Variants in ORC1 observed in about 807,000 individuals in gnomAD.
ORC1 encodes the protein origin recognition complex, subunit 1 homolog.
Under a neutral mutation model 98.9 loss-of-function variants are expected in ORC1, and 61 were observed. That is an observed-to-expected ratio of 0.62 (90% CI 0.50 to 0.76). The LOEUF (loss-of-function observed/expected upper bound fraction) is 0.76, where lower values mean the gene tolerates loss of function less well. ORC1 is among the 30% of genes least tolerant of loss of function. ORC1 has a pLI of 0.00. For missense variants in ORC1, 979 were observed against 1,072.2 expected (o/e 0.91, Z 1.21); for synonymous variants, 385 against 406.9 (o/e 0.95, Z 0.65).
chr1:52,403,188 TC>T (rs1647814346), intron 1 of ORC1, among the ~76,000 whole-genome samples: 1 of 152,200 alleles, frequency 6.6e-6, no homozygotes, highest in Non-Finnish European at 1.5e-5. Flanking sequence ...AATAGAATCT[TC>T]CGTTTATTCA....
At chr1:52,374,740 T>C in intron 16 of ORC1, 70 bp downstream of exon 16, 4 of 1,045,728 alleles carry the variant, frequency 3.8e-6, no homozygotes, top group African/African-American at 1.6e-5. Context: ...CACACATTCA[T>C]GGAAATTTCC....
chr1:52,399,838 C>CACACA (rs1553148714), intron 3 of ORC1, among the ~76,000 whole-genome samples: 7 of 150,902 alleles, frequency 4.6e-5, no homozygotes, highest in Non-Finnish European at 1.0e-4. Flanking sequence ...CACACACACA[C>CACACA]AAGAATTACA....
chr1:52,408,890 C>T, upstream of ORC1: 1 of 513,004 alleles, frequency 1.9e-6, no homozygotes, highest in Non-Finnish European at 3.4e-6. Context: ...ACCCAGCCTG[C>T]CTCTGTCTGT....
intron 8 of ORC1, among the ~76,000 whole-genome samples, chr1:52,386,676 T>A (rs1647147149): frequency 6.6e-6 from 1 of 152,194 alleles, no homozygotes; most frequent in African/African-American, 2.4e-5. Flanking sequence ...TTAAAAGGCT[T>A]TACAGGCTGG....
chr1:52,388,507 A>C lies in ORC1; in HGVS notation c.1318T>G (p.Ser440Ala). Residue 440 changes from serine to alanine, a missense_variant, in exon 8 of 17, where the codon TCC becomes GCC. Transcript: ENST00000371568. Reference protein sequence around the residue: ...PLPRRAPRTVSRNLRSSLKSS... With the variant: ...PLPRRAPRTVARNLRSSLKSS... ...TTCAAGGAAGATCGCAGGTTCCTGG[A>C]CACAGTTCTGGGTGCTCTCCTTGGA... 4 of 1,614,196 alleles carry C rather than the reference A, an allele frequency of 2.5e-6. No individual in the cohort carries two copies. Among genetic ancestry groups the C allele is most frequent in the Non-Finnish European group, 3.4e-6 (4 of 1,180,020 alleles).
intron 14 of ORC1, among the ~76,000 whole-genome samples, chr1:52,381,206 A>G (rs1375692095): frequency 1.3e-5 from 2 of 152,162 alleles, no homozygotes; most frequent in Admixed American, 6.5e-5. Flanking sequence ...CTTGCTGGGC[A>G]TGTAATAGAC....
In ORC1 at chr1:52,384,534, A is replaced by C. The variant is rs746691660; in HGVS notation, c.1755+16T>G. 2 of 1,612,992 alleles carry C rather than the reference A, an allele frequency of 1.2e-6. No homozygotes were observed. Among genetic ancestry groups the C allele is most frequent in the African/African-American group, 1.3e-5 (1 of 75,044 alleles). On this transcript the variant is annotated intron_variant, in intron 11 of 16. Coordinates refer to ENST00000371568, the MANE Select transcript of ORC1 (RefSeq NM_004153.4). ...AGAAACAGCATTTTCCAAAAAGCCTAAACAGCTCTGCTTACCTGCAAGATT... is the reference window on the plus strand; with the variant it reads ...AGAAACAGCATTTTCCAAAAAGCCTCAACAGCTCTGCTTACCTGCAAGATT...
intron 5 of ORC1, 66 bp from the exon 6 acceptor site, chr1:52,393,869 C>T: frequency 1.3e-6 from 2 of 1,492,112 alleles, no homozygotes; most frequent in East Asian, 2.3e-5. Context: ...AATCTCATCA[C>T]AGCCAAATTC....
rs1646976513 is a variant in ORC1 at position 52,375,044 on chromosome 1, C to T, written c.2304-147G>A. The T allele has an allele frequency of 6.1e-6, 4 of 658,776 alleles. No individual in the cohort carries two copies. In the Admixed American group the frequency reaches 7.6e-5, roughly 12 times the overall value. The allele number at this position is 658,776 out of a possible 1,614,324, so 40.8% of individuals were successfully genotyped here. A position where few individuals can be genotyped will look rare whatever the true frequency, so the allele number is the denominator to read the frequency against. On this transcript the variant is annotated intron_variant, in intron 15 of 16. Coordinates refer to ENST00000371568, the MANE Select transcript of ORC1 (RefSeq NM_004153.4). ...TATTATGTGGCAAGGATCTCCCTGACCCCCAAACTCTCAAACTGATACAGA... is the reference window on the plus strand; with the variant it reads ...TATTATGTGGCAAGGATCTCCCTGATCCCCAAACTCTCAAACTGATACAGA...
intron 14 of ORC1, among the ~76,000 whole-genome samples, chr1:52,378,472 C>A (rs1344141431): frequency 6.6e-6 from 1 of 150,956 alleles, no homozygotes; most frequent in African/African-American, 2.4e-5. Context: ...CCAGCCTGGA[C>A]AACATGGTAA....
intron 3 of ORC1, 27 bp downstream of exon 3, chr1:52,401,335 G>C: frequency 6.2e-7 from 1 of 1,613,538 alleles, no homozygotes; most frequent in African/African-American, 1.3e-5. Context: ...GACAAGGAAT[G>C]GTTTATTATT....
chr1:52,380,408 G>C (rs1396135315), intron 14 of ORC1, among the ~76,000 whole-genome samples: 1 of 152,116 alleles, frequency 6.6e-6, no homozygotes, highest in Non-Finnish European at 1.5e-5. Context: ...TAAATAGGAT[G>C]GCATTGGCCG....
At position 52,373,240 on chromosome 1, in the gene ORC1, G is replaced by A; in HGVS notation, c.2527C>T (p.Leu843Phe). ...LVEPSRNDLL[L>F]RVRLNVSQDD... The stretch of plus-strand genomic sequence containing the variant: ...TGGCTGACGTTGAGCCGCACCCGAA[G>A]GAGCAGATCGTTCCTGCTGGGCTCC... The change falls in exon 17 of 17, where the codon CTT (leucine) becomes TTT (phenylalanine). Residue 843 changes from leucine (L) to phenylalanine (F), a missense_variant. Leu to Phe is a conservative substitution (Grantham distance 22). Coordinates refer to ENST00000371568, the MANE Select transcript of ORC1 (RefSeq NM_004153.4). 1.2e-6 allele frequency: 2 copies of A among 1,614,212 alleles called. No homozygotes were observed. Among genetic ancestry groups the A allele is most frequent in the Non-Finnish European group, 1.7e-6 (2 of 1,180,046 alleles).
upstream of ORC1, chr1:52,409,194 A>T (rs1046290873): frequency 6.5e-6 from 1 of 153,658 alleles, no homozygotes; most frequent in African/African-American, 2.4e-5. Context: ...CTACAAGGAG[A>T]TTACTTAATG....
At chr1:52,380,049 A>G (rs766908860) in intron 14 of ORC1, among the ~76,000 whole-genome samples, 11 of 152,228 alleles carry the variant, frequency 7.2e-5, no homozygotes, top group Admixed American at 1.3e-4. Flanking sequence ...CCAAAAATAG[A>G]TGATTACTAT....
chr1:52,379,239 G>GTTTTTTTT (rs1647031673), intron 14 of ORC1, among the ~76,000 whole-genome samples: 1 of 149,782 alleles, frequency 6.7e-6, no homozygotes, highest in African/African-American at 2.5e-5. Context: ...CTAAAGTAGG[G>GTTTTTTTT]TATTTTTTTT....
intron 8 of ORC1, among the ~76,000 whole-genome samples, chr1:52,387,883 ATTTAAC>A (rs1647164563): frequency 6.6e-6 from 1 of 152,222 alleles, no homozygotes; most frequent in African/African-American, 2.4e-5. Flanking sequence ...TGCTCTGTCA[ATTTAAC>A]TTTAATTCAA....
At chr1:52,382,199 T>C (rs1647080083) in intron 13 of ORC1, among the ~76,000 whole-genome samples, 1 of 152,162 alleles carries the variant, frequency 6.6e-6, no homozygotes, top group South Asian at 2.1e-4. Flanking sequence ...CAGGATGGTC[T>C]CGATCTCCTG....
intron 16 of ORC1, among the ~76,000 whole-genome samples, chr1:52,373,610 G>A (rs1294873551): frequency 1.3e-5 from 2 of 152,186 alleles, no homozygotes; most frequent in African/African-American, 2.4e-5. Context: ...ACCTAAATAT[G>A]TAGACCTGGC....
Sources: allele counts gnomAD v4.1 joint callset (sites outside exome capture counted in the v4.1 genomes callset), GRCh38; gene constraint gnomAD v4.1.1; transcripts MANE v1.5; gene names NCBI Gene and HGNC (gene_info 2026-07-23, HGNC 2026-07-21).